NEK1: variants seen among roughly 807,000 people sequenced by gnomAD.
NEK1 encodes serine/threonine-protein kinase Nek1.
Under a neutral mutation model 182.1 loss-of-function variants are expected in NEK1, and 137 were observed. The ratio of observed to expected loss-of-function variants is 0.75; its 90% CI spans 0.65 to 0.87. The LOEUF (loss-of-function observed/expected upper bound fraction) is 0.87, where lower values mean the gene tolerates loss of function less well. Among genes scored for constraint, NEK1 ranks in the 40% least tolerant of loss-of-function variants. NEK1 has a pLI of 0.00. For missense variants in NEK1, 1,391 were observed against 1,494.4 expected (o/e 0.93, Z 1.14); for synonymous variants, 513 against 492.2 (o/e 1.04, Z -0.56).
At chr4:169,455,506 TAA>T (rs1742698313) in intron 27 of NEK1, among the ~76,000 whole-genome samples, 7 of 152,132 alleles carry the variant, frequency 4.6e-5, no homozygotes, top group Admixed American at 1.3e-4. Flanking sequence ...ACAAGAACTA[TAA>T]AAAGATACAA....
intron 2 of NEK1, among the ~76,000 whole-genome samples, chr4:169,611,395 T>G (rs1367413934): frequency 1.3e-5 from 2 of 152,128 alleles, no homozygotes; most frequent in Non-Finnish European, 2.9e-5. Flanking sequence ...AGGAGTTACT[T>G]CTCTCCAAAT....
chr4:169,522,461 G>T (rs1299642956), intron 19 of NEK1, among the ~76,000 whole-genome samples: 1 of 152,198 alleles, frequency 6.6e-6, no homozygotes, highest in Admixed American at 6.5e-5. Context: ...TCATAGTCCT[G>T]CTTAATCTAT....
intron 23 of NEK1, among the ~76,000 whole-genome samples, chr4:169,488,615 T>G (rs1198086412): frequency 6.6e-6 from 1 of 152,138 alleles, no homozygotes; most frequent in Non-Finnish European, 1.5e-5. Flanking sequence ...ATATTATACT[T>G]TTGAGAATCC....
chr4:169,470,417 T>A (rs1745737341), intron 26 of NEK1, among the ~76,000 whole-genome samples: 2 of 152,214 alleles, frequency 1.3e-5, no homozygotes, highest in African/African-American at 4.8e-5. Flanking sequence ...GGGTTGAAAT[T>A]CTTTTCTTTA....
At position 169,550,296 on chromosome 4, in the gene NEK1, C is replaced by A. The variant is rs368598536; in HGVS notation, c.1562+5424G>T. ...CTTCTACCATGATTGTGAGGCCTAC[C>A]CAGCCATGTGGAACTGTGATTCCAT... On this transcript the variant is annotated intron_variant, in intron 18 of 35. Transcript: ENST00000507142. Among the ~76,000 whole-genome samples the A allele has an allele frequency of 7.7e-4, 118 of 152,310 alleles. 5 individuals carry two copies. In the South Asian group the frequency reaches 0.023, roughly 29 times the overall value.
intron 21 of NEK1, 90 bp downstream of exon 21, chr4:169,508,158 G>A: frequency 9.1e-7 from 1 of 1,099,902 alleles, no homozygotes; most frequent in Non-Finnish European, 1.3e-6. Context: ...TTTTGTTGTT[G>A]TTGTCGTTGT....
intron 23 of NEK1, among the ~76,000 whole-genome samples, chr4:169,480,908 C>T (rs759629796): frequency 1.3e-5 from 2 of 152,154 alleles, no homozygotes; most frequent in Non-Finnish European, 2.9e-5. Flanking sequence ...GCATGTGATG[C>T]TGTTGCATTT....
At chr4:169,423,640 A>G (rs1477646589) in intron 31 of NEK1, among the ~76,000 whole-genome samples, 2 of 152,226 alleles carry the variant, frequency 1.3e-5, no homozygotes, top group Non-Finnish European at 2.9e-5. Context: ...ACAGCACTAT[A>G]AACTATTTGG....
chr4:169,446,520 A>C (rs2149450727), intron 27 of NEK1, among the ~76,000 whole-genome samples: 1 of 152,272 alleles, frequency 6.6e-6, no homozygotes, highest in African/African-American at 2.4e-5. Flanking sequence ...CACCCATAAC[A>C]TCAAGACCAC....
chr4:169,450,977 G>A (rs1010014587), intron 27 of NEK1, among the ~76,000 whole-genome samples: 5 of 152,110 alleles, frequency 3.3e-5, no homozygotes, highest in Admixed American at 6.5e-5. Flanking sequence ...AAAAGCGGGG[G>A]TTGCCATCCT....
Position 169,568,950 on chromosome 4 carries a change from AAG to A in NEK1, c.1021-6756_1021-6755del, listed in dbSNP as rs1491032166. On this transcript the variant is annotated intron_variant, in intron 12 of 35. Transcript: ENST00000507142. Reference sequence around the variant, plus strand: ...AAAACTCCATTTCAAAAAAAAAAAAAAGAAAACCCAAAAAACAAATAGGAAGG... The same window carrying A: ...AAAACTCCATTTCAAAAAAAAAAAAAAAAACCCAAAAAACAAATAGGAAGG... Among the ~76,000 whole-genome samples the A allele has an allele frequency of 6.7e-4, 101 of 150,214 alleles. 1 individual carries two copies. Among genetic ancestry groups the A allele is most frequent in the African/African-American group, 2.1e-3 (83 of 40,268 alleles).
intron 18 of NEK1, among the ~76,000 whole-genome samples, chr4:169,541,158 G>A (rs1278131364): frequency 6.6e-6 from 1 of 152,044 alleles, no homozygotes; most frequent in Non-Finnish European, 1.5e-5. Flanking sequence ...CAGGATTACT[G>A]AGATGAAAAA....
intron 11 of NEK1, among the ~76,000 whole-genome samples, chr4:169,579,979 T>C (rs1766339754): frequency 6.6e-6 from 1 of 152,200 alleles, no homozygotes; most frequent in South Asian, 2.1e-4. Flanking sequence ...CTTCCATTGA[T>C]TTTAGAAATC....
intron 23 of NEK1, among the ~76,000 whole-genome samples, chr4:169,496,728 C>T (rs1350139928): frequency 1.3e-5 from 2 of 151,742 alleles, no homozygotes; most frequent in Non-Finnish European, 2.9e-5. Context: ...GTATGTTGAA[C>T]CAGCCTTGCA....
intron 12 of NEK1, among the ~76,000 whole-genome samples, chr4:169,569,266 T>C (rs1202469491): frequency 6.6e-6 from 1 of 152,248 alleles, no homozygotes; most frequent in Non-Finnish European, 1.5e-5. Context: ...GTAGTTTTTT[T>C]ACATTAGATT....
At chr4:169,495,283 GC>G (rs1750995551) in intron 23 of NEK1, among the ~76,000 whole-genome samples, 1 of 129,572 alleles carries the variant, frequency 7.7e-6, no homozygotes, top group Non-Finnish European at 1.6e-5. Context: ...TCGCTCTGTC[GC>G]CCAGGCTGGA....
At chr4:169,606,261 G>A (rs1771318303) in intron 2 of NEK1, among the ~76,000 whole-genome samples, 1 of 148,118 alleles carries the variant, frequency 6.8e-6, no homozygotes, top group African/African-American at 2.5e-5. Flanking sequence ...AAGCATACTA[G>A]ATTGACCCGT....
At chr4:169,610,562 C>G (rs1032411047) in intron 2 of NEK1, among the ~76,000 whole-genome samples, 3 of 152,124 alleles carry the variant, frequency 2.0e-5, no homozygotes, top group Non-Finnish European at 4.4e-5. Flanking sequence ...ATCCACCCAC[C>G]GTGGCCTCCC....
At chr4:169,505,943 A>C (rs1026032373) in intron 23 of NEK1, among the ~76,000 whole-genome samples, 1 of 152,152 alleles carries the variant, frequency 6.6e-6, no homozygotes. Context: ...AAATGATCAA[A>C]ATTTGTGTAA....
Sources: gnomAD v4.1 joint callset for allele counts (sites outside exome capture counted in the v4.1 genomes callset) on GRCh38, gnomAD v4.1.1 for gene constraint, MANE v1.5 for transcripts, NCBI Gene and HGNC (gene_info 2026-07-23, HGNC 2026-07-21) for gene names.